Variants in PLA2G7 observed in about 807,000 individuals in gnomAD.
PLA2G7 encodes the protein phospholipase A2 group VII.
PLA2G7 carries 63 observed loss-of-function variants against 49.6 expected under a neutral mutation model. That is an observed-to-expected ratio of 1.27 (90% CI 1.04 to 1.57). The LOEUF is 1.57. Ranked by LOEUF, PLA2G7 falls within the 40% of genes most tolerant of loss-of-function variation. The probability of loss-of-function intolerance (pLI) is 0.00; values close to 1 mark genes in which losing one functional copy is unlikely to be tolerated. For synonymous variants in PLA2G7, 193 were observed against 169.9 expected, an observed-to-expected ratio of 1.14 and a Z score of -1.06; for missense variants, 596 against 521.2, an observed-to-expected ratio of 1.14 and a Z score of -1.40.
intron 1 of PLA2G7, among the ~76,000 whole-genome samples, chr6:46,728,902 G>C (rs533401682): frequency 6.6e-6 from 1 of 152,204 alleles, no homozygotes; most frequent in Non-Finnish European, 1.5e-5. Context: ...GGCTGCCAAG[G>C]TTTGAATCTT....
intron 1 of PLA2G7, among the ~76,000 whole-genome samples, chr6:46,723,233 AC>A (rs1656648580): frequency 6.6e-6 from 1 of 152,216 alleles, no homozygotes; most frequent in Non-Finnish European, 1.5e-5. Flanking sequence ...AAAATAGCCA[AC>A]AAAATATAAC....
chr6:46,715,557 T>G (rs1256282026), intron 4 of PLA2G7, among the ~76,000 whole-genome samples: 2 of 152,232 alleles, frequency 1.3e-5, no homozygotes, highest in Non-Finnish European at 2.9e-5. Flanking sequence ...ATTTTTATTG[T>G]CACCATTATT....
intron 10 of PLA2G7, among the ~76,000 whole-genome samples, chr6:46,707,356 A>G (rs1396351329): frequency 1.3e-5 from 2 of 152,156 alleles, no homozygotes; most frequent in Non-Finnish European, 2.9e-5. Context: ...GCTAATTTTA[A>G]TTACCAGTGA....
chr6:46,704,474 TCTCTCA>T lies in PLA2G7; in HGVS notation c.*80_*85del, dbSNP rs1409587869. On this transcript the variant is annotated 3_prime_UTR_variant, in exon 12 of 12. Transcript: ENST00000274793. ...CTCTCTCTCTCTCTCTCTCTCTCTC[TCTCTCA>T]CACACACACACACACACACACACAC... 8 of 61,302 alleles carry T rather than the reference TCTCTCA, an allele frequency of 1.3e-4. No homozygotes were observed. The highest frequency in any genetic ancestry group is 7.3e-4 in the South Asian group (3 of 4,096). 3.8% of individuals were successfully genotyped at this position (61,302 alleles called of 1,614,324 possible).
intron 6 of PLA2G7, 71 bp downstream of exon 6, chr6:46,712,198 T>C (rs1765052194): frequency 1.0e-6 from 1 of 978,760 alleles, no homozygotes; most frequent in Non-Finnish European, 1.7e-6. Flanking sequence ...TTATGAAAAT[T>C]AGAAACATAG....
rs1562068402 is a variant in PLA2G7, at chr6:46,708,893, A to ACT, written c.869+432_869+433dup. ...GCTAGAAAACTGGGGTCTTGTCCCAACTCTTACCCAAATAATTGTAATTTT... is the reference window on the plus strand; with the variant it reads ...GCTAGAAAACTGGGGTCTTGTCCCAACTCTCTTACCCAAATAATTGTAATTTT... On this transcript the variant is annotated intron_variant, in intron 9 of 11. Coordinates refer to ENST00000274793, the MANE Select transcript of PLA2G7 (RefSeq NM_005084.4). Among the ~76,000 whole-genome samples, 7 of 152,220 alleles carry ACT rather than the reference A, an allele frequency of 4.6e-5. No homozygotes were observed. The South Asian group carries it at 1.5e-3, about 32-fold the overall frequency.
chr6:46,716,669 G>T, intron 3 of PLA2G7, 141 bp from the exon 4 acceptor site: 1 of 776,078 alleles, frequency 1.3e-6, no homozygotes. Context: ...AGGCTGCTGT[G>T]GTGATTGAAG....
At position 46,716,989 on chromosome 6, in the gene PLA2G7, C is replaced by A; in HGVS notation, c.217G>T (p.Asp73Tyr). 6.2e-7 allele frequency: 1 copy of A among 1,613,634 alleles called. No individual in the cohort carries two copies. Among genetic ancestry groups the A allele is most frequent in the South Asian group, 1.1e-5 (1 of 91,048 alleles). ...YSVGCTDLMF[D>Y]HTNKGTFLRL... ...CAAAGCATTACCTTATTAGTGTGAT[C>A]AAACATTAAGTCTGTACAACCAACG... Residue 73 changes from aspartate to tyrosine, a missense_variant, in exon 3 of 12, where the codon GAT becomes TAT. By Grantham distance (160) the Asp-to-Tyr change is radical. Coordinates refer to ENST00000274793, the MANE Select transcript of PLA2G7 (RefSeq NM_005084.4).
intron 7 of PLA2G7, among the ~76,000 whole-genome samples, chr6:46,710,962 A>G (rs146980172): frequency 1.8e-3 from 276 of 152,320 alleles, no homozygotes; most frequent in African/African-American, 6.4e-3. Flanking sequence ...GGACTCAAAC[A>G]TAATAACACA....
intron 7 of PLA2G7, 113 bp from the exon 8 acceptor site, chr6:46,710,771 A>G: frequency 1.3e-6 from 1 of 770,682 alleles, no homozygotes; most frequent in Non-Finnish European, 2.3e-6. Context: ...ATAAACTGGA[A>G]ATCTGATTAG....
At chr6:46,716,643 G>A (rs1436743142) in intron 3 of PLA2G7, 115 bp from the exon 4 acceptor site, 4 of 1,061,144 alleles carry the variant, frequency 3.8e-6, no homozygotes, top group Non-Finnish European at 4.2e-6. Context: ...TCACAAAAAG[G>A]TCTAAAGAAC....
In PLA2G7 at chr6:46,704,607, G is replaced by A; in HGVS notation, c.1279C>T (p.Gln427Ter). The A allele has an allele frequency of 6.3e-7, 1 of 1,590,744 alleles. No individual in the cohort carries two copies. The highest frequency in any genetic ancestry group is 1.3e-5 in the African/African-American group (1 of 74,566). ...IPGTNINTTN[Q>*]HIMLQNSSGI... ...GAAGAGTTCTGTAACATGATGTGTT[G>A]ATTGGTTGTGTTAATGTTGGTCCCT... Residue 427 changes from glutamine (Q) to a stop codon, truncating the protein, a stop_gained, in exon 12 of 12, where the codon CAA becomes TAA. Transcript: ENST00000274793. LOFTEE classifies it low-confidence loss of function (END_TRUNC).
At chr6:46,727,205 C>T (rs1765601519) in intron 1 of PLA2G7, among the ~76,000 whole-genome samples, 1 of 152,180 alleles carries the variant, frequency 6.6e-6, no homozygotes, top group Non-Finnish European at 1.5e-5. Flanking sequence ...CATACACAAC[C>T]ATAACTGCCA....
chr6:46,713,960 A>G (rs1015257631), intron 5 of PLA2G7, among the ~76,000 whole-genome samples: 2 of 152,130 alleles, frequency 1.3e-5, no homozygotes, highest in African/African-American at 4.8e-5. Context: ...CTGGCTCAAT[A>G]TTTCTTAGAA....
At chr6:46,717,722 T>C (rs1321001774) in intron 2 of PLA2G7, among the ~76,000 whole-genome samples, 2 of 148,588 alleles carry the variant, frequency 1.3e-5, no homozygotes, top group Admixed American at 6.7e-5. Flanking sequence ...TTTCTTTTTT[T>C]TTTTTTTTGA....
chr6:46,733,499 C>T (rs1765797179), intron 1 of PLA2G7, among the ~76,000 whole-genome samples: 1 of 152,180 alleles, frequency 6.6e-6, no homozygotes. Context: ...GTATGAAGGG[C>T]CCAGTTCAAT....
intron 11 of PLA2G7, 37 bp from the exon 12 acceptor site, chr6:46,704,733 TTTGAGAG>T: frequency 7.4e-7 from 1 of 1,343,072 alleles, no homozygotes; most frequent in Non-Finnish European, 1.1e-6. Context: ...ATATTAAACT[TTTGAGAG>T]CATTAAACAG....
intron 10 of PLA2G7, among the ~76,000 whole-genome samples, chr6:46,705,504 C>T (rs974169814): frequency 1.3e-5 from 2 of 152,136 alleles, no homozygotes; most frequent in Non-Finnish European, 2.9e-5. Flanking sequence ...TTCTTCTTCC[C>T]TCTAGAAATA....
chr6:46,728,725 C>T (rs749654772), intron 1 of PLA2G7, among the ~76,000 whole-genome samples: 1 of 152,162 alleles, frequency 6.6e-6, no homozygotes, highest in Non-Finnish European at 1.5e-5. Flanking sequence ...GACTCAGTCC[C>T]CCAACTATAT....
Sources: gnomAD v4.1 joint callset for allele counts (sites outside exome capture counted in the v4.1 genomes callset) on GRCh38, gnomAD v4.1.1 for gene constraint, MANE v1.5 for transcripts, NCBI Gene and HGNC (gene_info 2026-07-23, HGNC 2026-07-21) for gene names.